CSMD1: variants seen among roughly 807,000 people sequenced by gnomAD.
CSMD1 encodes the protein CUB and sushi domain-containing protein 1.
A neutral mutation model predicts 417.5 loss-of-function variants in CSMD1; 213 were observed. The ratio of observed to expected loss-of-function variants is 0.51; its 90% CI spans 0.46 to 0.57. CSMD1 has a LOEUF of 0.57. Among genes scored for constraint, CSMD1 ranks in the 20% least tolerant of loss-of-function variants. The pLI is 0.00. For missense variants in CSMD1, 6,923 were observed against 4,529.7 expected, an observed-to-expected ratio of 1.53 and a Z score of -15.17; for synonymous variants, 2,862 against 1,736.8, an observed-to-expected ratio of 1.65 and a Z score of -16.11.
chr8:4,526,315 G>C (rs1182777921), intron 2 of CSMD1, among the ~76,000 whole-genome samples: 1 of 152,206 alleles, frequency 6.6e-6, no homozygotes, highest in Non-Finnish European at 1.5e-5. Context: ...ATTAATGTCA[G>C]AAATACTTTT....
intron 3 of CSMD1, among the ~76,000 whole-genome samples, chr8:4,401,473 A>G (rs1373810016): frequency 2.0e-5 from 3 of 152,128 alleles, no homozygotes; most frequent in Non-Finnish European, 4.4e-5. Flanking sequence ...CAGTGGCCCA[A>G]GCAGCACCAT....
intron 39 of CSMD1, among the ~76,000 whole-genome samples, chr8:3,152,155 G>T (rs1386473355): frequency 6.6e-6 from 1 of 152,170 alleles, no homozygotes; most frequent in Admixed American, 6.5e-5. Context: ...TTCTCCCCAG[G>T]AAATCTTATG....
chr8:3,821,502 G>A (rs1257897412), intron 5 of CSMD1, among the ~76,000 whole-genome samples: 1 of 99,214 alleles, frequency 1.0e-5, no homozygotes, highest in Non-Finnish European at 2.6e-5. Flanking sequence ...TCTACCAGGA[G>A]CTGGGTGCGG....
chr8:4,787,389 GA>G (rs1293235621), intron 1 of CSMD1: 1 of 733,580 alleles, frequency 1.4e-6, no homozygotes, highest in East Asian at 2.6e-5. Flanking sequence ...TAAAACAAAA[GA>G]AGTCTACGAA....
rs1371486598 is a variant in CSMD1, at chr8:3,586,253, C to T, written c.1105G>A (p.Ala369Thr). The T allele has an allele frequency of 5.0e-6, 8 of 1,601,284 alleles. No individual in the cohort carries two copies. Among genetic ancestry groups the T allele is most frequent in the Non-Finnish European group, 6.8e-6 (8 of 1,175,942 alleles). The change falls in exon 9 of 70, where the codon GCA becomes ACA. Residue 369 changes from alanine (A) to threonine (T), a missense_variant. By Grantham distance (58) the Ala-to-Thr change is moderately conservative. Transcript: ENST00000635120. ...RRAGSDFRVG[A>T]NVQFSCEDNY... ...TCCTCACATGAAAACTGTACATTTG[C>T]ACCAACCCTAAGCCGTTAAAAAAGA...
At chr8:3,426,875 T>C (rs1813876320) in intron 12 of CSMD1, among the ~76,000 whole-genome samples, 1 of 152,112 alleles carries the variant, frequency 6.6e-6, no homozygotes, top group African/African-American at 2.4e-5. Flanking sequence ...GACTGGGTAG[T>C]TTATAAAGGA....
At chr8:3,501,491 C>T (rs921382123) in intron 10 of CSMD1, among the ~76,000 whole-genome samples, 1 of 152,112 alleles carries the variant, frequency 6.6e-6, no homozygotes, top group Admixed American at 6.6e-5. Context: ...CAATATAAAT[C>T]AGTACCAAGA....
At chr8:3,687,478 TAAGATCTATTTACAAA>T (rs1799999085) in intron 7 of CSMD1, among the ~76,000 whole-genome samples, 2 of 152,222 alleles carry the variant, frequency 1.3e-5, no homozygotes, top group Non-Finnish European at 2.9e-5. Flanking sequence ...AATAAAACAG[TAAGATCTATTTACAAA>T]AAGCAACCAT....
intron 54 of CSMD1, among the ~76,000 whole-genome samples, chr8:2,997,025 G>A (rs749459640): frequency 1.3e-5 from 2 of 152,218 alleles, no homozygotes; most frequent in East Asian, 1.9e-4. Context: ...CCCTCCTCTG[G>A]TCAGGGGCTG....
chr8:2,989,001 C>T (rs534648838), intron 54 of CSMD1, among the ~76,000 whole-genome samples: 4 of 152,176 alleles, frequency 2.6e-5, no homozygotes, highest in Non-Finnish European at 4.4e-5. Flanking sequence ...CAGGGTCACA[C>T]TCAATGAGTC....
intron 4 of CSMD1, among the ~76,000 whole-genome samples, chr8:4,003,442 A>G (rs766069256): frequency 6.6e-5 from 10 of 152,104 alleles, no homozygotes; most frequent in African/African-American, 1.2e-4. Flanking sequence ...AAATAAATAG[A>G]TAAGTAAATA....
intron 2 of CSMD1, among the ~76,000 whole-genome samples, chr8:4,584,092 C>T (rs1799580531): frequency 6.6e-6 from 1 of 151,936 alleles, no homozygotes; most frequent in South Asian, 2.1e-4. Flanking sequence ...GACCACGAAC[C>T]CACTAGAAGG....
intron 3 of CSMD1, among the ~76,000 whole-genome samples, chr8:4,316,366 T>C (rs954941046): frequency 1.2e-4 from 19 of 152,268 alleles, no homozygotes; most frequent in African/African-American, 4.3e-4. Context: ...TCTTATACTC[T>C]GGGCTGCCAC....
At position 3,738,090 on chromosome 8, in the gene CSMD1, A is replaced by G. The variant is rs539318535; in HGVS notation, c.931+15840T>C. 6.6e-4 allele frequency among the ~76,000 whole-genome samples: 100 copies of G among 152,326 alleles called. 3 individuals are homozygous for G. The South Asian group carries it at 0.018, about 28-fold the overall frequency. On this transcript the variant is annotated intron_variant, in intron 6 of 69. Transcript: ENST00000635120. ...TAAATGATTACTATAGTCTCTTTCCATTAGCACTGTGTGGGCTCTAACATA... is the reference window on the plus strand; with the variant it reads ...TAAATGATTACTATAGTCTCTTTCCGTTAGCACTGTGTGGGCTCTAACATA...
intron 42 of CSMD1, among the ~76,000 whole-genome samples, chr8:3,116,273 C>T (rs529969111): frequency 2.4e-4 from 36 of 152,090 alleles, no homozygotes; most frequent in South Asian, 6.2e-4. Context: ...TCGTGCGTTT[C>T]GGTTTCTTTA....
intron 26 of CSMD1, among the ~76,000 whole-genome samples, chr8:3,259,044 G>C (rs915847278): frequency 8.5e-5 from 13 of 152,120 alleles, no homozygotes; most frequent in African/African-American, 3.1e-4. Context: ...AGGTACTCCA[G>C]AGCTCTAGGG....
chr8:3,082,967 G>A (rs1281166290), intron 49 of CSMD1, among the ~76,000 whole-genome samples: 1 of 152,146 alleles, frequency 6.6e-6, no homozygotes, highest in Non-Finnish European at 1.5e-5. Context: ...GTGCTGATTT[G>A]GGTGGCGAAG....
chr8:4,405,527 A>T (rs2128931352), intron 3 of CSMD1, among the ~76,000 whole-genome samples: 1 of 152,348 alleles, frequency 6.6e-6, no homozygotes, highest in South Asian at 2.1e-4. Context: ...TTAACAAAAA[A>T]TTATAGTAAG....
intron 1 of CSMD1, among the ~76,000 whole-genome samples, chr8:4,766,417 T>C (rs1231284174): frequency 1.3e-5 from 2 of 152,092 alleles, no homozygotes; most frequent in Non-Finnish European, 2.9e-5. Flanking sequence ...TGAGACAGAG[T>C]TCTCCTTCGA....
Sources: allele counts gnomAD v4.1 joint callset (sites outside exome capture counted in the v4.1 genomes callset), GRCh38; gene constraint gnomAD v4.1.1; transcripts MANE v1.5; gene names NCBI Gene and HGNC (gene_info 2026-07-23, HGNC 2026-07-21).